FAM13A: variants seen among roughly 807,000 people sequenced by gnomAD.
The protein encoded by FAM13A is protein FAM13A.
In FAM13A, 76 loss-of-function variants were observed where a neutral mutation model predicts 129.6. The ratio of observed to expected loss-of-function variants is 0.59; its 90% CI spans 0.49 to 0.71. FAM13A has a LOEUF of 0.71. FAM13A is among the 30% of genes least tolerant of loss of function. FAM13A has a pLI of 0.00. For missense variants in FAM13A, 1,108 were observed against 1,249.3 expected (o/e 0.89, Z 1.70); for synonymous variants, 443 against 449.9 (o/e 0.98, Z 0.20).
chr4:88,956,932 G>A (rs1757844327), intron 4 of FAM13A, among the ~76,000 whole-genome samples: 1 of 152,168 alleles, frequency 6.6e-6, no homozygotes, highest in Non-Finnish European at 1.5e-5. Flanking sequence ...CCTGGTGGGA[G>A]GTGTTTGGAT....
chr4:88,882,783 T>C (rs1438607047), intron 6 of FAM13A, among the ~76,000 whole-genome samples: 1 of 151,986 alleles, frequency 6.6e-6, no homozygotes, highest in Non-Finnish European at 1.5e-5. Context: ...ACCTAACACA[T>C]AAAGACTCAC....
At chr4:88,839,003 T>A (rs1735344145) in intron 7 of FAM13A, among the ~76,000 whole-genome samples, 1 of 152,190 alleles carries the variant, frequency 6.6e-6, no homozygotes, top group Admixed American at 6.5e-5. Flanking sequence ...ACTTGTGTTC[T>A]CTCTATATAA....
intron 4 of FAM13A, among the ~76,000 whole-genome samples, chr4:88,962,260 A>C (rs1256334426): frequency 6.6e-6 from 1 of 152,196 alleles, no homozygotes; most frequent in Non-Finnish European, 1.5e-5. Flanking sequence ...GAGACACATG[A>C]ACTATATGGA....
At chr4:88,759,573 T>TG (rs1302989320) in intron 13 of FAM13A, 2 of 152,028 alleles carry the variant, frequency 1.3e-5, no homozygotes, top group African/African-American at 4.8e-5. Context: ...ATACGGACTC[T>TG]GGAAATGAGC....
chr4:88,956,779 G>T (rs147086274), intron 4 of FAM13A, among the ~76,000 whole-genome samples: 3 of 152,244 alleles, frequency 2.0e-5, no homozygotes, highest in Non-Finnish European at 4.4e-5. Context: ...TTAGCTTGTG[G>T]CCTCCTCTCA....
intron 7 of FAM13A, among the ~76,000 whole-genome samples, chr4:88,837,718 CAAAAAAAAAAAA>C (rs34184242): frequency 4.2e-5 from 3 of 71,552 alleles, no homozygotes; most frequent in Admixed American, 1.6e-4. Context: ...AACTCCGTCT[CAAAAAAAAAAAA>C]AAAAAAAAAG....
intron 6 of FAM13A, among the ~76,000 whole-genome samples, chr4:88,863,261 C>T (rs1170473633): frequency 6.6e-6 from 1 of 152,104 alleles, no homozygotes; most frequent in African/African-American, 2.4e-5. Flanking sequence ...TTTAATTAAT[C>T]GTGCCCACCT....
chr4:88,991,412 T>C (rs1762908793), intron 3 of FAM13A, among the ~76,000 whole-genome samples: 1 of 152,078 alleles, frequency 6.6e-6, no homozygotes. Flanking sequence ...CACTCCAGCC[T>C]GGGCAACAGG....
chr4:88,957,821 G>A (rs976743366), intron 4 of FAM13A, among the ~76,000 whole-genome samples: 20 of 152,316 alleles, frequency 1.3e-4, no homozygotes, highest in South Asian at 4.1e-4. Context: ...CATGTTATGC[G>A]TTAGCAAGGA....
chr4:88,965,131 G>A (rs1579531512), intron 4 of FAM13A, among the ~76,000 whole-genome samples: 1 of 152,108 alleles, frequency 6.6e-6, no homozygotes, highest in Non-Finnish European at 1.5e-5. Context: ...ATGATAAATG[G>A]TACAATTTGA....
intron 1 of FAM13A, among the ~76,000 whole-genome samples, chr4:89,047,602 T>C (rs1207866558): frequency 2.0e-5 from 3 of 152,190 alleles, no homozygotes; most frequent in Non-Finnish European, 4.4e-5. Flanking sequence ...TACTTAAGAA[T>C]AGTGGGAGTT....
chr4:89,014,877 G>A (rs1579777104), intron 3 of FAM13A, among the ~76,000 whole-genome samples: 1 of 152,300 alleles, frequency 6.6e-6, no homozygotes, highest in East Asian at 1.9e-4. Context: ...AATGTTCAGG[G>A]AACAAGGGAG....
intron 6 of FAM13A, among the ~76,000 whole-genome samples, chr4:88,892,102 A>T (rs1186466922): frequency 6.6e-6 from 1 of 150,450 alleles, no homozygotes; most frequent in Admixed American, 6.6e-5. Context: ...TAAACTCAGG[A>T]GGCTGAGGTT....
At chr4:88,849,758 T>G (rs28455964) in intron 7 of FAM13A, among the ~76,000 whole-genome samples, 57,823 of 151,926 alleles carry the variant, frequency 0.38, 11,235 homozygotes, top group East Asian at 0.51. Context: ...AAGCAGTTCG[T>G]GGAACCAGAG....
chr4:88,860,549 G>A (rs2150030199), intron 6 of FAM13A, among the ~76,000 whole-genome samples: 1 of 152,334 alleles, frequency 6.6e-6, no homozygotes, highest in South Asian at 2.1e-4. Flanking sequence ...CTCAATAATA[G>A]TGAAGGGATG....
intron 6 of FAM13A, among the ~76,000 whole-genome samples, chr4:88,863,544 T>C (rs1017715029): frequency 8.5e-5 from 13 of 152,216 alleles, no homozygotes; most frequent in African/African-American, 3.1e-4. Context: ...GAACCCCTGA[T>C]TTATAGCCAC....
At chr4:88,826,471 C>T (rs1213519552) in intron 7 of FAM13A, among the ~76,000 whole-genome samples, 2 of 152,192 alleles carry the variant, frequency 1.3e-5, no homozygotes, top group Admixed American at 6.6e-5. Flanking sequence ...AATCTCATAA[C>T]TTGGTAACTA....
At chr4:88,933,084 G>A (rs538400709) in intron 5 of FAM13A, among the ~76,000 whole-genome samples, 54 of 152,188 alleles carry the variant, frequency 3.5e-4, no homozygotes, top group Admixed American at 3.1e-3. Context: ...TATGGTATAT[G>A]AATGACATAT....
At position 88,987,647 on chromosome 4, in the gene FAM13A, G is replaced by A. The variant is rs865833625; in HGVS notation, c.605+3326C>T. On this transcript the variant is annotated intron_variant, in intron 4 of 23. Transcript: ENST00000264344. ...AGGCGGGCGGATCACGAGGTCAGGA[G>A]ATCGAGACCATGGTGAAACCCCGCC... is the stretch of plus-strand genomic sequence containing the variant. Among the ~76,000 whole-genome samples the A allele has an allele frequency of 2.6e-5, 4 of 151,544 alleles. 1 individual carries two copies. Among genetic ancestry groups the A allele is most frequent in the Middle Eastern group, 6.8e-3 (2 of 292 alleles).
Sources: gnomAD v4.1 joint callset for allele counts (sites outside exome capture counted in the v4.1 genomes callset) on GRCh38, gnomAD v4.1.1 for gene constraint, MANE v1.5 for transcripts, NCBI Gene and HGNC (gene_info 2026-07-23, HGNC 2026-07-21) for gene names.